The following KATNAL1 variants were observed in gnomAD, a reference collection of about 807,000 sequenced individuals.
The protein encoded by KATNAL1 is katanin catalytic subunit A1 like 1, also known as katanin p60 ATPase-containing subunit A-like 1.
In KATNAL1, 32 loss-of-function variants were observed where a neutral mutation model predicts 55.2. That is an observed-to-expected ratio of 0.58 (90% CI 0.44 to 0.78). KATNAL1 has a LOEUF of 0.78. Among genes scored for constraint, KATNAL1 ranks in the 30% least tolerant of loss-of-function variants. KATNAL1 has a pLI of 0.00. For synonymous variants in KATNAL1, 193 were observed against 193.6 expected (o/e 1.00, Z 0.02); for missense variants, 466 against 600.9 (o/e 0.78, Z 2.35).
chr13:30,263,267 T>A (rs1879460517), intron 3 of KATNAL1, among the ~76,000 whole-genome samples: 1 of 152,196 alleles, frequency 6.6e-6, no homozygotes, highest in African/African-American at 2.4e-5. Context: ...AATATCATAC[T>A]GAATGGGCAA....
At chr13:30,263,557 G>C (rs1361100812) in intron 3 of KATNAL1, among the ~76,000 whole-genome samples, 1 of 152,090 alleles carries the variant, frequency 6.6e-6, no homozygotes, top group Non-Finnish European at 1.5e-5. Context: ...AAAATCACAA[G>C]CATTCTTATA....
intron 1 of KATNAL1, among the ~76,000 whole-genome samples, chr13:30,299,128 G>A (rs2137569158): frequency 6.6e-6 from 1 of 152,238 alleles, no homozygotes; most frequent in Non-Finnish European, 1.5e-5. Context: ...TATCTTCCAA[G>A]GGGTAAGGGT....
At position 30,212,944 on chromosome 13, in the gene KATNAL1, G is replaced by A. The variant is rs539371901; in HGVS notation, c.1148-2502C>T. ...GGTGGGCTCTAATCCAACATGACTG[G>A]TGTCCTTATAAGAAGAAGCGGTTAG... On this transcript the variant is annotated intron_variant, in intron 9 of 10. Coordinates refer to ENST00000380615, the MANE Select transcript of KATNAL1 (RefSeq NM_032116.5). 1.3e-4 allele frequency among the ~76,000 whole-genome samples: 20 copies of A among 152,198 alleles called. 1 individual carries two copies. The South Asian group carries it at 3.3e-3, about 25-fold the overall frequency.
chr13:30,208,431 G>T lies in KATNAL1; in HGVS notation c.*109C>A. ...AGTTTTAGATTTTTTTTTCCTTTAA[G>T]CGAAAACCACTCCACTGAAAAAAAT... On this transcript the variant is annotated 3_prime_UTR_variant, in exon 11 of 11. Coordinates refer to ENST00000380615, the MANE Select transcript of KATNAL1 (RefSeq NM_032116.5). 1 of 874,794 alleles carries T rather than the reference G, an allele frequency of 1.1e-6. No individual in the cohort carries two copies. Among genetic ancestry groups the T allele is most frequent in the Non-Finnish European group, 1.7e-6 (1 of 589,382 alleles). The allele number at this position is 874,794 out of a possible 1,614,324, so 54.2% of individuals were successfully genotyped here.
intron 4 of KATNAL1, among the ~76,000 whole-genome samples, chr13:30,253,369 C>T (rs191537763): frequency 2.8e-4 from 42 of 152,170 alleles, no homozygotes; most frequent in African/African-American, 9.9e-4. Context: ...TGAGTACTTA[C>T]ATGTCAATGA....
At chr13:30,296,070 AC>A in intron 1 of KATNAL1, 1 of 255,798 alleles carries the variant, frequency 3.9e-6, no homozygotes, top group Non-Finnish European at 7.4e-6. Context: ...TTAATTAGTC[AC>A]ATGGGCACTG....
chr13:30,290,763 A>C (rs1179611984), intron 1 of KATNAL1, among the ~76,000 whole-genome samples: 1 of 152,222 alleles, frequency 6.6e-6, no homozygotes, highest in Non-Finnish European at 1.5e-5. Context: ...CGAAATAGAT[A>C]ATGTATTATG....
At chr13:30,223,192 C>A (rs1381421012) in intron 9 of KATNAL1, among the ~76,000 whole-genome samples, 1 of 152,064 alleles carries the variant, frequency 6.6e-6, no homozygotes, top group Non-Finnish European at 1.5e-5. Flanking sequence ...GTAATCCCAG[C>A]ACTTCGGGAG....
At chr13:30,263,040 C>T (rs1879440291) in intron 3 of KATNAL1, among the ~76,000 whole-genome samples, 1 of 152,196 alleles carries the variant, frequency 6.6e-6, no homozygotes, top group African/African-American at 2.4e-5. Flanking sequence ...TGGGCTTCAT[C>T]CCTGGGATGC....
At chr13:30,289,737 T>A (rs1399140262) in intron 1 of KATNAL1, among the ~76,000 whole-genome samples, 1 of 152,206 alleles carries the variant, frequency 6.6e-6, no homozygotes, top group Non-Finnish European at 1.5e-5. Flanking sequence ...TGACATGATG[T>A]GTATGCATTG....
chr13:30,281,692 G>A (rs889308903), intron 2 of KATNAL1: 2 of 152,142 alleles, frequency 1.3e-5, no homozygotes, highest in Non-Finnish European at 2.9e-5. Context: ...ACATAAAATG[G>A]AAACTTCAAA....
chr13:30,282,412 A>G (rs560920281), intron 2 of KATNAL1, among the ~76,000 whole-genome samples: 1 of 152,244 alleles, frequency 6.6e-6, no homozygotes, highest in South Asian at 2.1e-4. Context: ...CCAAGGCAGG[A>G]GGATCACTGG....
intron 3 of KATNAL1, among the ~76,000 whole-genome samples, chr13:30,259,599 G>A (rs1055578488): frequency 3.3e-5 from 5 of 152,180 alleles, no homozygotes; most frequent in African/African-American, 1.2e-4. Flanking sequence ...CCTAGTCAAA[G>A]AAAGGGGTGA....
At chr13:30,290,194 T>TA (rs1420603045) in intron 1 of KATNAL1, among the ~76,000 whole-genome samples, 10 of 151,918 alleles carry the variant, frequency 6.6e-5, no homozygotes. Context: ...AACAATGTAA[T>TA]AAAGTTGAGG....
At chr13:30,259,698 C>T (rs1336786656) in intron 3 of KATNAL1, among the ~76,000 whole-genome samples, 1 of 152,220 alleles carries the variant, frequency 6.6e-6, no homozygotes, top group African/African-American at 2.4e-5. Context: ...GAGATTATAT[C>T]CCGCACCTGG....
intron 5 of KATNAL1, 129 bp from the exon 6 acceptor site, chr13:30,240,694 C>T: frequency 1.4e-6 from 1 of 707,970 alleles, no homozygotes; most frequent in Non-Finnish European, 2.3e-6. Flanking sequence ...CTAATTCTTA[C>T]TGCATAAAAA....
At chr13:30,279,964 T>C (rs1288209871) in intron 3 of KATNAL1, 99 bp downstream of exon 3, 4 of 1,016,558 alleles carry the variant, frequency 3.9e-6, no homozygotes, top group East Asian at 2.6e-5. Flanking sequence ...TGAAATTACA[T>C]GTCCCCAAAA....
chr13:30,255,036 A>C (rs1258265152), intron 4 of KATNAL1, among the ~76,000 whole-genome samples: 1 of 152,212 alleles, frequency 6.6e-6, no homozygotes, highest in Non-Finnish European at 1.5e-5. Context: ...TAAATCAAAG[A>C]TACTTATTTT....
In KATNAL1 at chr13:30,268,699, T is replaced by G. The variant is rs544957470; in HGVS notation, c.323+11364A>C. On this transcript the variant is annotated intron_variant, in intron 3 of 10. Transcript: ENST00000380615. ...AATACAGATATTTTGAGAAAAGAACTGTTAGTTTACCACTAATAGAGACCT... is the reference window on the plus strand; with the variant it reads ...AATACAGATATTTTGAGAAAAGAACGGTTAGTTTACCACTAATAGAGACCT... 2.0e-5 allele frequency among the ~76,000 whole-genome samples: 3 copies of G among 152,306 alleles called. No homozygotes were observed. In the East Asian group the frequency reaches 5.8e-4, roughly 29 times the overall value.
Sources: allele counts gnomAD v4.1 joint callset (sites outside exome capture counted in the v4.1 genomes callset), GRCh38; gene constraint gnomAD v4.1.1; transcripts MANE v1.5; gene names NCBI Gene and HGNC (gene_info 2026-07-23, HGNC 2026-07-21).